TLK1: variants seen among roughly 807,000 people sequenced by gnomAD.
The protein encoded by TLK1 is serine/threonine-protein kinase tousled-like 1.
TLK1 carries 24 observed loss-of-function variants against 105.3 expected under a neutral mutation model. That is an observed-to-expected ratio of 0.23 (90% CI 0.17 to 0.32). The LOEUF (loss-of-function observed/expected upper bound fraction) is 0.32, where lower values mean the gene tolerates loss of function less well. TLK1 is among the 10% of genes least tolerant of loss of function. The pLI is 1.00. For synonymous variants in TLK1, 321 were observed against 310.4 expected (o/e 1.03, Z -0.36); for missense variants, 558 against 910.5 (o/e 0.61, Z 4.98).
chr2:171,006,754 A>G (rs2105363163), intron 16 of TLK1, 46 bp downstream of exon 16: 1 of 1,586,958 alleles, frequency 6.3e-7, no homozygotes, highest in Non-Finnish European at 8.6e-7. Context: ...GGAAAGAGAA[A>G]GCAAGCATAT....
chr2:171,121,934 C>A lies in TLK1; in HGVS notation c.140-4077G>T, dbSNP rs539707667. On this transcript the variant is annotated intron_variant, in intron 1 of 20. Transcript: ENST00000431350. ...CACAATCTCTCCTTAATTCTTAACA[C>A]CTTCTAATTACTTTTTGTTTGTTTG... 7.2e-5 allele frequency among the ~76,000 whole-genome samples: 11 copies of A among 152,240 alleles called. No homozygotes were observed. In the South Asian group the frequency reaches 2.3e-3, roughly 32 times the overall value.
intron 1 of TLK1, among the ~76,000 whole-genome samples, chr2:171,152,744 G>A (rs748335408): frequency 1.3e-5 from 2 of 152,146 alleles, no homozygotes; most frequent in Non-Finnish European, 2.9e-5. Flanking sequence ...GATACTGACA[G>A]TGGGAAGTTT....
At chr2:171,121,487 C>T (rs983519549) in intron 1 of TLK1, among the ~76,000 whole-genome samples, 4 of 152,258 alleles carry the variant, frequency 2.6e-5, no homozygotes, top group African/African-American at 9.6e-5. Flanking sequence ...GCCAAGATTG[C>T]ACCACTGCAC....
chr2:171,022,803 A>G, intron 12 of TLK1: 1 of 247,054 alleles, frequency 4.0e-6, no homozygotes, highest in South Asian at 4.8e-5. Context: ...AAGTCAGATG[A>G]CAATGGTGTT....
At chr2:171,058,797 T>C (rs928620446) in intron 4 of TLK1, among the ~76,000 whole-genome samples, 2 of 152,190 alleles carry the variant, frequency 1.3e-5, no homozygotes, top group African/African-American at 2.4e-5. Flanking sequence ...AAATACAATG[T>C]TTAGAGATGC....
chr2:171,168,154 T>C (rs966492916), intron 1 of TLK1, among the ~76,000 whole-genome samples: 1 of 152,110 alleles, frequency 6.6e-6, no homozygotes, highest in African/African-American at 2.4e-5. Context: ...GTAAAAAATA[T>C]CAAATATCTT....
At chr2:171,091,107 T>C (rs1689210278) in intron 2 of TLK1, among the ~76,000 whole-genome samples, 1 of 152,226 alleles carries the variant, frequency 6.6e-6, no homozygotes, top group Non-Finnish European at 1.5e-5. Context: ...ACTCATTTCA[T>C]TACATATGGT....
intron 2 of TLK1, among the ~76,000 whole-genome samples, chr2:171,094,187 C>T (rs1050815636): frequency 2.0e-5 from 3 of 151,956 alleles, no homozygotes; most frequent in African/African-American, 7.3e-5. Flanking sequence ...GACAGTGAAA[C>T]GCAATTGCAA....
chr2:171,162,362 A>T (rs1455439199), upstream of TLK1, among the ~76,000 whole-genome samples: 1 of 152,184 alleles, frequency 6.6e-6, no homozygotes, highest in African/African-American at 2.4e-5. Flanking sequence ...ACATGGTGAA[A>T]CCCCATCTCT....
At chr2:171,139,235 T>C (rs1575622143) in intron 1 of TLK1, among the ~76,000 whole-genome samples, 1 of 152,196 alleles carries the variant, frequency 6.6e-6, no homozygotes, top group Non-Finnish European at 1.5e-5. Context: ...ATTGTAATGC[T>C]CTGACGATTT....
intron 1 of TLK1, among the ~76,000 whole-genome samples, chr2:171,226,451 C>T (rs1011959891): frequency 6.6e-6 from 1 of 152,096 alleles, no homozygotes; most frequent in African/African-American, 2.4e-5. Context: ...AGGCTGAAAA[C>T]CCCATAAGAA....
intron 1 of TLK1, among the ~76,000 whole-genome samples, chr2:171,173,096 T>A (rs530203716): frequency 2.4e-4 from 37 of 152,308 alleles, no homozygotes; most frequent in Admixed American, 4.6e-4. Context: ...CTATAGCATA[T>A]CCTGTTAGTA....
chr2:171,137,643 G>C (rs1480455737), intron 1 of TLK1, among the ~76,000 whole-genome samples: 1 of 152,020 alleles, frequency 6.6e-6, no homozygotes, highest in Admixed American at 6.6e-5. Flanking sequence ...GAGCTCAGGA[G>C]TTCGCGACCA....
intron 1 of TLK1, among the ~76,000 whole-genome samples, chr2:171,210,264 G>A (rs947211389): frequency 3.3e-5 from 5 of 151,784 alleles, no homozygotes; most frequent in African/African-American, 4.8e-5. Context: ...ACACCTTCAC[G>A]TTCTTTTTTT....
rs1690905291 is a variant in TLK1, at chr2:171,127,234, G to C, written c.140-9377C>G. 2.1e-5 allele frequency among the ~76,000 whole-genome samples: 3 copies of C among 146,238 alleles called. No individual in the cohort carries two copies. In the Admixed American group the frequency reaches 2.1e-4, roughly 10 times the overall value. ...GGAGGTTGCAGTGAGCTGAGATCATGTCACTGCACTCCAGCCTGGCCAACA... is the reference window on the plus strand; with the variant it reads ...GGAGGTTGCAGTGAGCTGAGATCATCTCACTGCACTCCAGCCTGGCCAACA... On this transcript the variant is annotated intron_variant, in intron 1 of 20. Transcript: ENST00000431350.
intron 12 of TLK1, among the ~76,000 whole-genome samples, chr2:171,015,939 G>A (rs997128340): frequency 3.3e-5 from 5 of 151,816 alleles, no homozygotes; most frequent in African/African-American, 1.2e-4. Flanking sequence ...TTAGCCAGGC[G>A]TGGTGGCGCA....
At chr2:170,998,650 A>C (rs1684199788) in intron 18 of TLK1, among the ~76,000 whole-genome samples, 3 of 152,188 alleles carry the variant, frequency 2.0e-5, no homozygotes, top group Admixed American at 2.0e-4. Context: ...CTACAATCAC[A>C]CCAGACCGTG....
intron 3 of TLK1, among the ~76,000 whole-genome samples, chr2:171,068,066 C>T (rs1394019583): frequency 6.6e-6 from 1 of 152,000 alleles, no homozygotes; most frequent in African/African-American, 2.4e-5. Flanking sequence ...GTGGCTCAAG[C>T]CTGTAATTCT....
intron 20 of TLK1, chr2:170,994,846 C>A (rs1436572318): frequency 2.7e-6 from 1 of 366,094 alleles, no homozygotes; most frequent in African/African-American, 2.1e-5. Flanking sequence ...TGAGGTTCAT[C>A]CTTTTTTGGG....
Sources: gnomAD v4.1 joint callset for allele counts (sites outside exome capture counted in the v4.1 genomes callset) on GRCh38, gnomAD v4.1.1 for gene constraint, MANE v1.5 for transcripts, NCBI Gene and HGNC (gene_info 2026-07-23, HGNC 2026-07-21) for gene names.